The following PKP4 variants were observed in gnomAD, a reference collection of about 807,000 sequenced individuals.
The protein encoded by PKP4 is plakophilin 4.
In PKP4, 90 loss-of-function variants were observed where a neutral mutation model predicts 145.1. The observed-to-expected ratio is 0.62, with a 90% CI of 0.52 to 0.74. The LOEUF (loss-of-function observed/expected upper bound fraction) is 0.74. Ranked by LOEUF, PKP4 falls within the 30% of genes least tolerant of loss-of-function variation. The probability of loss-of-function intolerance (pLI) is 0.00; values close to 1 mark genes in which losing one functional copy is unlikely to be tolerated. For synonymous variants in PKP4, 563 were observed against 577.2 expected, an observed-to-expected ratio of 0.98 and a Z score of 0.35; for missense variants, 1,340 against 1,482.7, an observed-to-expected ratio of 0.90 and a Z score of 1.58.
chr2:158,487,063 C>CTT (rs1694269734), intron 1 of PKP4, among the ~76,000 whole-genome samples: 1 of 152,144 alleles, frequency 6.6e-6, no homozygotes, highest in African/African-American at 2.4e-5. Context: ...CATCAGCATC[C>CTT]TTATATAAAG....
At chr2:158,518,430 C>T (rs926875251) in intron 1 of PKP4, among the ~76,000 whole-genome samples, 2 of 150,748 alleles carry the variant, frequency 1.3e-5, no homozygotes, top group Admixed American at 6.6e-5. Flanking sequence ...GATGCTCCCT[C>T]CTCCTGCAAT....
intron 1 of PKP4, among the ~76,000 whole-genome samples, chr2:158,467,243 A>G (rs755499402): frequency 3.3e-5 from 5 of 152,208 alleles, no homozygotes; most frequent in Non-Finnish European, 5.9e-5. Flanking sequence ...CAGTGGTAAC[A>G]TCTTGAAAAC....
At chr2:158,473,241 G>T (rs1268286478) in intron 1 of PKP4, among the ~76,000 whole-genome samples, 2 of 152,266 alleles carry the variant, frequency 1.3e-5, no homozygotes, top group East Asian at 3.9e-4. Context: ...ATTGTGGAAA[G>T]CAGTATGGTG....
At chr2:158,493,215 C>T (rs1695203111) in intron 1 of PKP4, among the ~76,000 whole-genome samples, 1 of 152,018 alleles carries the variant, frequency 6.6e-6, no homozygotes, top group African/African-American at 2.4e-5. Context: ...CTGCCTTATA[C>T]CCCTTTGCTG....
intron 1 of PKP4, among the ~76,000 whole-genome samples, chr2:158,465,053 C>T (rs962775812): frequency 6.6e-6 from 1 of 152,188 alleles, no homozygotes; most frequent in Non-Finnish European, 1.5e-5. Flanking sequence ...TCCAGGGATA[C>T]TTACTGTCTG....
chr2:158,549,048 C>A, intron 2 of PKP4: 1 of 176,056 alleles, frequency 5.7e-6, no homozygotes, highest in Non-Finnish European at 1.2e-5. Flanking sequence ...CACAGGTTAA[C>A]TTGGAAGACA....
At chr2:158,640,901 T>C (rs2054225339) in intron 10 of PKP4, 142 bp downstream of exon 10, 3 of 853,682 alleles carry the variant, frequency 3.5e-6, no homozygotes, top group Non-Finnish European at 5.5e-6. Context: ...ACTCTTTCAC[T>C]TAACTATGCA....
chr2:158,651,411 G>T (rs1574973124), intron 11 of PKP4, among the ~76,000 whole-genome samples: 1 of 144,270 alleles, frequency 6.9e-6, no homozygotes, highest in East Asian at 2.2e-4. Flanking sequence ...TGTGAAATAG[G>T]CTCTGCCCCT....
At chr2:158,522,394 G>C (rs997183277) in intron 1 of PKP4, among the ~76,000 whole-genome samples, 1 of 152,156 alleles carries the variant, frequency 6.6e-6, no homozygotes, top group African/African-American at 2.4e-5. Context: ...CTGCAGCCTT[G>C]AGCAGAAAAA....
At chr2:158,619,838 A>C (rs919077333) in intron 4 of PKP4, among the ~76,000 whole-genome samples, 1 of 152,172 alleles carries the variant, frequency 6.6e-6, no homozygotes, top group Non-Finnish European at 1.5e-5. Flanking sequence ...GATAAGCGCT[A>C]TACAGAAAGA....
chr2:158,502,487 A>AAGGCCTCACCTTGAGT (rs1440657981), intron 1 of PKP4, among the ~76,000 whole-genome samples: 2 of 152,326 alleles, frequency 1.3e-5, no homozygotes, highest in East Asian at 3.9e-4. Context: ...TCAGTGACAG[A>AAGGCCTCACCTTGAGT]AGGCCTCACC....
At chr2:158,676,707 C>G (rs375298058) in intron 19 of PKP4, 32 bp from the exon 20 acceptor site, 35 of 1,613,562 alleles carry the variant, frequency 2.2e-5, no homozygotes, top group Admixed American at 6.7e-5. Flanking sequence ...CTTTCTACCC[C>G]TCTTTCTCTC....
At chr2:158,531,091 T>C (rs967693666) in intron 1 of PKP4, among the ~76,000 whole-genome samples, 1 of 152,146 alleles carries the variant, frequency 6.6e-6, no homozygotes, top group Admixed American at 6.6e-5. Context: ...TCATTGGTCC[T>C]GGGAAGCAGG....
rs749688217 is a variant in PKP4 at position 158,662,923 on chromosome 2, G to A, written c.2238G>A (p.Leu746=). The part of the protein sequence containing the change: ...SKTVENCVCT[L]RNLSYRLELE... ...CGGTGGAGAACTGCGTGTGCACCCT[G>A]AGGAACCTGTCCTATCGGCTGGAGC... The change falls in exon 14 of 22, where the codon CTG becomes CTA. Residue 746 remains leucine (L), a synonymous_variant. Transcript: ENST00000389759. 3.1e-6 allele frequency: 5 copies of A among 1,608,748 alleles called. No individual in the cohort carries two copies. In the Admixed American group the frequency reaches 5.1e-5, roughly 17 times the overall value.
chr2:158,522,020 G>A lies in PKP4; in HGVS notation c.-5-11160G>A, dbSNP rs57495518. On this transcript the variant is annotated intron_variant, in intron 1 of 21. Transcript: ENST00000389759. Reference sequence around the variant, plus strand: ...TTTGTCATATCAGTTTTGAAATTGTGTTTCTCATCAACATTTTTCTGAGTG... The same window carrying A: ...TTTGTCATATCAGTTTTGAAATTGTATTTCTCATCAACATTTTTCTGAGTG... 5.6e-3 allele frequency among the ~76,000 whole-genome samples: 851 copies of A among 152,022 alleles called. 10 individuals carry two copies. The highest frequency in any genetic ancestry group is 0.02 in the African/African-American group (812 of 41,468).
At chr2:158,648,239 A>G (rs1381775813) in intron 11 of PKP4, among the ~76,000 whole-genome samples, 1 of 152,236 alleles carries the variant, frequency 6.6e-6, no homozygotes, top group Non-Finnish European at 1.5e-5. Context: ...GTTTATTGTG[A>G]AATGTTTGGA....
At chr2:158,496,917 C>T (rs1460958411) in intron 1 of PKP4, among the ~76,000 whole-genome samples, 2 of 151,966 alleles carry the variant, frequency 1.3e-5, no homozygotes, top group African/African-American at 2.4e-5. Context: ...ATTTAGGTTC[C>T]TGCACTCTTG....
intron 21 of PKP4, chr2:158,679,138 C>T (rs2058262807): frequency 6.1e-6 from 1 of 162,990 alleles, no homozygotes; most frequent in Admixed American, 5.8e-5. Flanking sequence ...TCAAGGTGGA[C>T]TCAGCCCCTG....
intron 11 of PKP4, among the ~76,000 whole-genome samples, chr2:158,655,248 A>G (rs2055798658): frequency 6.6e-6 from 1 of 152,210 alleles, no homozygotes; most frequent in Non-Finnish European, 1.5e-5. Context: ...GTAGAATGAC[A>G]TACAACTCCA....
Sources: gnomAD v4.1 joint callset for allele counts (sites outside exome capture counted in the v4.1 genomes callset) on GRCh38, gnomAD v4.1.1 for gene constraint, MANE v1.5 for transcripts, NCBI Gene and HGNC (gene_info 2026-07-23, HGNC 2026-07-21) for gene names.